ARSF: variants seen among roughly 807,000 people sequenced by gnomAD.
ARSF encodes the protein arylsulfatase F.
ARSF carries 33 observed loss-of-function variants against 35.4 expected under a neutral mutation model. The ratio of observed to expected loss-of-function variants is 0.93; its 90% CI spans 0.71 to 1.25. The LOEUF (loss-of-function observed/expected upper bound fraction) is 1.25. Ranked by LOEUF, ARSF falls within the 50% of genes most tolerant of loss-of-function variation. The pLI, the probability that ARSF is intolerant of heterozygous loss-of-function variation, is 0.00. For synonymous variants in ARSF, 222 were observed against 193.1 expected, an observed-to-expected ratio of 1.15 and a Z score of -1.24; for missense variants, 501 against 480.2, an observed-to-expected ratio of 1.04 and a Z score of -0.40.
At chrX:3,107,947 T>G (rs1039976552) in intron 9 of ARSF, among the ~76,000 whole-genome samples, 3 of 112,130 alleles carry the variant, frequency 2.7e-5, no homozygotes, top group African/African-American at 9.7e-5. Context: ...TTTATAGTTT[T>G]GGGTTTACAT....
At chrX:3,091,392 C>T (rs1320460896) in intron 7 of ARSF, among the ~76,000 whole-genome samples, 2 of 112,422 alleles carry the variant, frequency 1.8e-5, no homozygotes, top group Non-Finnish European at 3.8e-5. Context: ...GTAAATGGGA[C>T]GTCCTAGGAC....
intron 2 of ARSF, among the ~76,000 whole-genome samples, chrX:3,071,339 C>T (rs914872888): frequency 9.1e-6 from 1 of 110,391 alleles, no homozygotes; most frequent in Non-Finnish European, 1.9e-5. Flanking sequence ...AACCTCGGTC[C>T]GTCACCCAGG....
intron 1 of ARSF, among the ~76,000 whole-genome samples, chrX:3,061,772 C>T (rs1314505655): frequency 9.0e-6 from 1 of 111,620 alleles, no homozygotes; most frequent in Non-Finnish European, 1.9e-5. Flanking sequence ...TATATATGCA[C>T]CCAATACAGG....
intron 7 of ARSF, among the ~76,000 whole-genome samples, chrX:3,097,717 C>G (rs1364236140): frequency 8.9e-6 from 1 of 111,882 alleles, no homozygotes; most frequent in East Asian, 2.8e-4. Flanking sequence ...ATAATTTATA[C>G]TACTTAAAAA....
intron 8 of ARSF, 116 bp downstream of exon 8, chrX:3,101,337 A>T: frequency 1.2e-6 from 1 of 862,988 alleles, no homozygotes; most frequent in Non-Finnish European, 1.6e-6. Flanking sequence ...AAGTTTGTTT[A>T]ATTTGACTCT....
intron 2 of ARSF, among the ~76,000 whole-genome samples, chrX:3,068,566 C>G (rs770581923): frequency 2.7e-5 from 3 of 110,581 alleles, no homozygotes; most frequent in Admixed American, 9.7e-5. Context: ...ACCTCAGGTG[C>G]TTATCGCCAC....
chrX:3,069,512 A>T (rs891584200), intron 2 of ARSF, among the ~76,000 whole-genome samples: 1 of 109,596 alleles, frequency 9.1e-6, no homozygotes, highest in African/African-American at 3.3e-5. Context: ...TTTTGTAGGG[A>T]TGGGGTCTCA....
intron 9 of ARSF, among the ~76,000 whole-genome samples, chrX:3,107,899 G>T (rs2090421215): frequency 2.7e-5 from 3 of 111,013 alleles, no homozygotes; most frequent in African/African-American, 3.3e-5. Context: ...CTTATCAAAA[G>T]ATCACAGTGA....
intron 2 of ARSF, among the ~76,000 whole-genome samples, chrX:3,069,238 C>T (rs1297872886): frequency 1.8e-5 from 2 of 111,693 alleles, no homozygotes; most frequent in African/African-American, 6.5e-5. Flanking sequence ...CCCCAACTTC[C>T]ACTTTTCCTT....
At chrX:3,040,386 T>C (rs1245062759), upstream of ARSF, among the ~76,000 whole-genome samples, 2 of 110,954 alleles carry the variant, frequency 1.8e-5, no homozygotes, top group African/African-American at 6.6e-5. Flanking sequence ...TTGATGGTCC[T>C]TGGTTCATTC....
chrX:3,106,328 C>G (rs990090104), intron 9 of ARSF, among the ~76,000 whole-genome samples: 1 of 112,248 alleles, frequency 8.9e-6, no homozygotes, highest in South Asian at 3.7e-4. Context: ...TTGGTTATTC[C>G]TATGCTTGGT....
intron 1 of ARSF, chrX:3,058,436 C>T: frequency 4.4e-6 from 1 of 228,318 alleles, no homozygotes; most frequent in East Asian, 1.3e-4. Context: ...CGCACCATAG[C>T]CCAGAACTTC....
At chrX:3,069,577 G>T (rs1390737358) in intron 2 of ARSF, among the ~76,000 whole-genome samples, 1 of 111,370 alleles carries the variant, frequency 9.0e-6, no homozygotes. Flanking sequence ...CCCCCAAAGA[G>T]CTGGGATTAC....
At chrX:3,049,810 G>A (rs147656377) in intron 1 of ARSF, among the ~76,000 whole-genome samples, 93 of 110,928 alleles carry the variant, frequency 8.4e-4, no homozygotes, top group Middle Eastern at 4.6e-3. Context: ...TGAGTCAAAG[G>A]GCTCATGCCA....
chrX:3,067,253 C>T (rs1451756774), intron 1 of ARSF, among the ~76,000 whole-genome samples: 1 of 110,025 alleles, frequency 9.1e-6, no homozygotes, highest in Non-Finnish European at 1.9e-5. Context: ...TGTATTTTGT[C>T]CTTAGTGTTA....
chrX:3,090,356 A>T (rs1383222798), intron 7 of ARSF, among the ~76,000 whole-genome samples: 2 of 111,725 alleles, frequency 1.8e-5, no homozygotes, highest in Non-Finnish European at 3.8e-5. Flanking sequence ...TTTTGTGACA[A>T]GATCAGCTAA....
intron 1 of ARSF, among the ~76,000 whole-genome samples, chrX:3,053,285 G>C (rs2090003835): frequency 9.1e-6 from 1 of 109,393 alleles, no homozygotes; most frequent in Non-Finnish European, 1.9e-5. Flanking sequence ...ATCATTTCTT[G>C]GTCAAAATAA....
At chrX:3,072,310 A>G in intron 3 of ARSF, 135 bp downstream of exon 3, 1 of 591,831 alleles carries the variant, frequency 1.7e-6, no homozygotes, top group Non-Finnish European at 2.6e-6. Context: ...ACTTTTTGAT[A>G]GTTTTAAATT....
rs763618400 is a variant in ARSF, at chrX:3,087,956, C to A, written c.831-1540C>A. ...TTTTGAGGGGTCACTGTTCAAGACACCATGACATAAGTCTTGTTTTTAAAA... is the reference window on the plus strand; with the variant it reads ...TTTTGAGGGGTCACTGTTCAAGACAACATGACATAAGTCTTGTTTTTAAAA... On this transcript the variant is annotated intron_variant, in intron 6 of 10. Transcript: ENST00000381127. Among the ~76,000 whole-genome samples the A allele has an allele frequency of 3.6e-5, 4 of 112,312 alleles. No individual in the cohort carries two copies. The South Asian group carries it at 1.5e-3, about 42-fold the overall frequency.
Sources: allele counts gnomAD v4.1 joint callset (sites outside exome capture counted in the v4.1 genomes callset), GRCh38; gene constraint gnomAD v4.1.1; transcripts MANE v1.5; gene names NCBI Gene and HGNC (gene_info 2026-07-23, HGNC 2026-07-21).